Variants in AOAH observed in about 807,000 individuals in gnomAD.
AOAH encodes the protein acyloxyacyl hydrolase.
AOAH carries 64 observed loss-of-function variants against 92.2 expected under a neutral mutation model. That is an observed-to-expected ratio of 0.69 (90% CI 0.57 to 0.86). The LOEUF is 0.86. Among genes scored for constraint, AOAH ranks in the 40% least tolerant of loss-of-function variants. The probability of loss-of-function intolerance (pLI) is 0.00; values close to 1 mark genes in which losing one functional copy is unlikely to be tolerated. For missense variants in AOAH, 656 were observed against 694.6 expected (o/e 0.94, Z 0.62); for synonymous variants, 263 against 254.5 (o/e 1.03, Z -0.32).
chr7:36,628,097 C>A (rs748905390), intron 6 of AOAH, among the ~76,000 whole-genome samples: 12 of 151,954 alleles, frequency 7.9e-5, no homozygotes, highest in Non-Finnish European at 1.5e-4. Context: ...AGACGTGGCT[C>A]AGCTTGGAGG....
intron 13 of AOAH, among the ~76,000 whole-genome samples, chr7:36,552,218 T>C (rs1355138941): frequency 1.3e-5 from 2 of 152,224 alleles, no homozygotes; most frequent in African/African-American, 4.8e-5. Context: ...AGTGTTCTCA[T>C]TGTTCAGCTA....
chr7:36,520,534 C>T (rs1324379698), intron 20 of AOAH, among the ~76,000 whole-genome samples: 2 of 152,062 alleles, frequency 1.3e-5, no homozygotes, highest in East Asian at 1.9e-4. Flanking sequence ...GGAGAAGCCC[C>T]GTCTCTACTA....
intron 20 of AOAH, among the ~76,000 whole-genome samples, chr7:36,517,226 G>GTC (rs68054405): frequency 0.47 from 56,960 of 121,276 alleles, 15,037 homozygotes; most frequent in East Asian, 0.61. Context: ...CTTTCTTTCT[G>GTC]TCTCTCTCTC....
intron 1 of AOAH, among the ~76,000 whole-genome samples, chr7:36,715,575 T>C (rs1391375233): frequency 3.3e-5 from 5 of 150,906 alleles, no homozygotes; most frequent in African/African-American, 7.3e-5. Flanking sequence ...CTTCAAACTA[T>C]ACTACAAGGC....
At chr7:36,704,461 T>C (rs190488582) in intron 1 of AOAH, among the ~76,000 whole-genome samples, 42 of 152,282 alleles carry the variant, frequency 2.8e-4, no homozygotes, top group Admixed American at 3.3e-4. Context: ...AATCCTTGAA[T>C]AGACCAATAA....
Position 36,513,389 on chromosome 7 carries a change from G to C in AOAH, c.1600-9C>G. On this transcript the variant is annotated splice_polypyrimidine_tract_variant and intron_variant, in intron 20 of 20. Transcript: ENST00000617537. Reference sequence around the variant, plus strand: ...AACAACAGCAAAGCCACCTGTGAGAGAGAACCCAAAGGACGAGGAAAAGGG... The same window carrying C: ...AACAACAGCAAAGCCACCTGTGAGACAGAACCCAAAGGACGAGGAAAAGGG... 6.2e-7 allele frequency: 1 copy of C among 1,613,056 alleles called. No homozygotes were observed. The highest frequency in any genetic ancestry group is 8.5e-7 in the Non-Finnish European group (1 of 1,179,256).
chr7:36,723,029 A>G (rs1159916510), intron 1 of AOAH, among the ~76,000 whole-genome samples: 4 of 150,998 alleles, frequency 2.6e-5, no homozygotes, highest in Admixed American at 2.6e-4. Context: ...TTGAGGAAGT[A>G]GGACAAATTC....
intron 1 of AOAH, among the ~76,000 whole-genome samples, chr7:36,712,190 G>A (rs1798811062): frequency 6.6e-6 from 1 of 152,012 alleles, no homozygotes; most frequent in African/African-American, 2.4e-5. Flanking sequence ...TTATTTTATT[G>A]CTCACATTGG....
At chr7:36,709,507 G>T (rs1198404010) in intron 1 of AOAH, among the ~76,000 whole-genome samples, 1 of 152,064 alleles carries the variant, frequency 6.6e-6, no homozygotes, top group Non-Finnish European at 1.5e-5. Flanking sequence ...AATTTTTCCA[G>T]TTTTATACTT....
chr7:36,634,146 C>A (rs898163977), intron 5 of AOAH, among the ~76,000 whole-genome samples: 2 of 152,118 alleles, frequency 1.3e-5, no homozygotes, highest in African/African-American at 4.8e-5. Context: ...GGACACACTG[C>A]AAAACAAGCA....
At chr7:36,574,738 A>G (rs868730139) in intron 13 of AOAH, among the ~76,000 whole-genome samples, 3 of 152,056 alleles carry the variant, frequency 2.0e-5, no homozygotes, top group Admixed American at 6.5e-5. Context: ...TTATTTCTGT[A>G]TACAAATAAA....
At chr7:36,671,768 G>A (rs898907970) in intron 3 of AOAH, among the ~76,000 whole-genome samples, 17 of 151,890 alleles carry the variant, frequency 1.1e-4, no homozygotes, top group African/African-American at 3.9e-4. Context: ...TGAACATCTC[G>A]TACAAAGATC....
chr7:36,609,635 G>A (rs1007159061), intron 11 of AOAH, among the ~76,000 whole-genome samples: 3 of 150,320 alleles, frequency 2.0e-5, no homozygotes, highest in South Asian at 2.2e-4. Context: ...CTGTTCCCCT[G>A]CTTTGAACAC....
Position 36,523,629 on chromosome 7 carries a change from G to GTTTTTTTTTTTT in AOAH, c.1523-1526_1523-1515dup, listed in dbSNP as rs57628897. Among the ~76,000 whole-genome samples the GTTTTTTTTTTTT allele has an allele frequency of 7.0e-5, 7 of 100,138 alleles. 1 individual carries two copies. The highest frequency in any genetic ancestry group is 1.3e-4 in the Admixed American group (1 of 7,452). 65.7% of individuals were successfully genotyped at this position (100,138 alleles called of 152,430 possible). A position where few individuals can be genotyped will look rare whatever the true frequency, so the allele number is the denominator to read the frequency against. On this transcript the variant is annotated intron_variant, in intron 19 of 20. Transcript: ENST00000617537. Reference sequence around the variant, plus strand: ...TCAGTTTGCCTGGCCTGTTTTGCCTGTTTTTTTTTTTTTTTTTTTTGGCAT... The same window carrying GTTTTTTTTTTTT: ...TCAGTTTGCCTGGCCTGTTTTGCCTGTTTTTTTTTTTTTTTTTTTTTTTTTTTTTTTTGGCAT...
chr7:36,636,433 G>T (rs986873154), intron 5 of AOAH, among the ~76,000 whole-genome samples: 3 of 152,216 alleles, frequency 2.0e-5, no homozygotes, highest in Non-Finnish European at 4.4e-5. Flanking sequence ...AATGCCTGGA[G>T]AATACGTTTT....
chr7:36,712,148 C>T lies in AOAH; in HGVS notation c.127+11874G>A, dbSNP rs538515301. ...ATTTTCAACCTTCTGTTGGCTCTGT[C>T]TAAATCCTTCCTATTCTTGTCAGTG... is the stretch of plus-strand genomic sequence containing the variant. On this transcript the variant is annotated intron_variant, in intron 1 of 20. Coordinates refer to ENST00000617537, the MANE Select transcript of AOAH (RefSeq NM_001637.4). Among the ~76,000 whole-genome samples the T allele has an allele frequency of 2.6e-5, 4 of 152,322 alleles. No individual in the cohort carries two copies. The South Asian group carries it at 8.3e-4, about 32-fold the overall frequency.
chr7:36,723,577 G>T (rs1192238100), intron 1 of AOAH, among the ~76,000 whole-genome samples: 1 of 152,128 alleles, frequency 6.6e-6, no homozygotes, highest in African/African-American at 2.4e-5. Context: ...CACCAATAAG[G>T]ACACAGAAGC....
intron 12 of AOAH, among the ~76,000 whole-genome samples, chr7:36,585,910 T>C (rs1389480371): frequency 6.6e-6 from 1 of 152,148 alleles, no homozygotes; most frequent in Non-Finnish European, 1.5e-5. Context: ...TGAAAATATA[T>C]TCATATTTTG....
At position 36,522,982 on chromosome 7, in the gene AOAH, G is replaced by A. The variant is rs3779219; in HGVS notation, c.1523-867C>T. ...AAAGGAAGGACGGAAATTCTGTCAG[G>A]GGCTTTGATTGGACAAGACGGGCTG... On this transcript the variant is annotated intron_variant, in intron 19 of 20. Transcript: ENST00000617537. Among the ~76,000 whole-genome samples the A allele has an allele frequency of 1.3e-3, 192 of 152,260 alleles. 3 individuals are homozygous for A. In the East Asian group the frequency reaches 0.024, roughly 19 times the overall value.
Sources: allele counts gnomAD v4.1 joint callset (sites outside exome capture counted in the v4.1 genomes callset), GRCh38; gene constraint gnomAD v4.1.1; transcripts MANE v1.5; gene names NCBI Gene and HGNC (gene_info 2026-07-23, HGNC 2026-07-21).